Variants in CNBD1 observed in about 807,000 individuals in gnomAD.
The protein encoded by CNBD1 is cyclic nucleotide-binding domain-containing protein 1.
In CNBD1, 71 loss-of-function variants were observed where a neutral mutation model predicts 54.4. That is an observed-to-expected ratio of 1.30 (90% CI 1.08 to 1.59). The LOEUF (loss-of-function observed/expected upper bound fraction) is 1.59, where lower values mean the gene tolerates loss of function less well. Ranked by LOEUF, CNBD1 falls within the 40% of genes most tolerant of loss-of-function variation. The pLI, the probability that CNBD1 is intolerant of heterozygous loss-of-function variation, is 0.00. For synonymous variants in CNBD1, 182 were observed against 170.7 expected (o/e 1.07, Z -0.51); for missense variants, 659 against 518.0 (o/e 1.27, Z -2.64).
At chr8:87,063,342 T>C (rs975283126) in intron 4 of CNBD1, among the ~76,000 whole-genome samples, 3 of 152,200 alleles carry the variant, frequency 2.0e-5, no homozygotes, top group Non-Finnish European at 4.4e-5. Context: ...CATATAGATA[T>C]CTATGGATAT....
At chr8:87,334,724 C>CTTTTCTTTTTTCTTTTT (rs1809907515) in intron 8 of CNBD1, among the ~76,000 whole-genome samples, 1 of 113,252 alleles carries the variant, frequency 8.8e-6, no homozygotes, top group Non-Finnish European at 1.8e-5. Context: ...TTTTTCTTTT[C>CTTTTCTTTTTTCTTTTT]TTTTTTTTTT....
intron 4 of CNBD1, among the ~76,000 whole-genome samples, chr8:87,053,420 G>A (rs1203872161): frequency 2.0e-5 from 3 of 152,218 alleles, no homozygotes; most frequent in African/African-American, 7.2e-5. Context: ...GTACTTGAGA[G>A]GAGTGCAGGC....
At chr8:87,292,800 T>C (rs1808811252) in intron 8 of CNBD1, among the ~76,000 whole-genome samples, 1 of 152,162 alleles carries the variant, frequency 6.6e-6, no homozygotes, top group Non-Finnish European at 1.5e-5. Context: ...CTTGCAACCA[T>C]GGTGATGAGC....
At chr8:87,376,579 C>T (rs752385203) in intron 10 of CNBD1, among the ~76,000 whole-genome samples, 4 of 151,908 alleles carry the variant, frequency 2.6e-5, no homozygotes, top group South Asian at 2.1e-4. Context: ...CAACATGCTT[C>T]GCACACATTT....
chr8:87,395,808 A>G (rs1034172017), intron 2 of CNBD1, among the ~76,000 whole-genome samples: 1 of 151,864 alleles, frequency 6.6e-6, no homozygotes. Flanking sequence ...GTGAGAGATA[A>G]TTGAATCATG....
At chr8:87,241,546 A>G (rs1807708287) in intron 6 of CNBD1, among the ~76,000 whole-genome samples, 1 of 152,166 alleles carries the variant, frequency 6.6e-6, no homozygotes. Context: ...TGCTGGGATT[A>G]CAGGCGTGAG....
At chr8:87,381,671 C>T (rs181494704) in intron 10 of CNBD1, among the ~76,000 whole-genome samples, 1 of 152,034 alleles carries the variant, frequency 6.6e-6, no homozygotes, top group East Asian at 1.9e-4. Flanking sequence ...GAATGCTATT[C>T]AGCCTTAAAA....
In CNBD1 at chr8:87,201,271, T is replaced by G. The variant is rs141617438; in HGVS notation, c.432-4722T>G. ...CTAATAAACAGCATCAGTGGAAAAC[T>G]CACAGCTAACTTGAAGAAAGACTGA... On this transcript the variant is annotated intron_variant, in intron 4 of 10. Transcript: ENST00000518476. 8.9e-3 allele frequency among the ~76,000 whole-genome samples: 1,361 copies of G among 152,190 alleles called. 20 individuals carry two copies. Among genetic ancestry groups the G allele is most frequent in the Middle Eastern group, 0.031 (9 of 294 alleles).
chr8:86,957,850 G>A (rs557143457), intron 4 of CNBD1, among the ~76,000 whole-genome samples: 4 of 152,072 alleles, frequency 2.6e-5, no homozygotes, highest in African/African-American at 9.6e-5. Flanking sequence ...TCTGATCTTA[G>A]TTATTTCTTA....
At chr8:87,048,734 T>A (rs556562134) in intron 4 of CNBD1, among the ~76,000 whole-genome samples, 1 of 152,348 alleles carries the variant, frequency 6.6e-6, no homozygotes, top group South Asian at 2.1e-4. Flanking sequence ...TGCCCCTTAC[T>A]TTTGGCACAT....
Position 87,351,684 on chromosome 8 carries a change from G to A in CNBD1, c.1043-1G>A, listed in dbSNP as rs1001443347. On this transcript the variant is annotated splice_acceptor_variant, in intron 8 of 10. Coordinates refer to ENST00000518476, the MANE Select transcript of CNBD1 (RefSeq NM_173538.3). LOFTEE classifies it high-confidence loss of function. ...AAATGAACTATCTCTCTTCTTTTCA[G>A]TGATAGTGGAAAGTGGAAATATAAT... is the stretch of plus-strand genomic sequence containing the variant. 6.7e-7 allele frequency: 1 copy of A among 1,498,290 alleles called. No individual in the cohort carries two copies. Among genetic ancestry groups the A allele is most frequent in the Non-Finnish European group, 8.9e-7 (1 of 1,128,554 alleles). The allele number at this position is 1,498,290 out of a possible 1,614,324, so 92.8% of individuals were successfully genotyped here. A position where few individuals can be genotyped will look rare whatever the true frequency, so the allele number is the denominator to read the frequency against.
At chr8:87,196,630 G>T (rs774388593) in intron 4 of CNBD1, among the ~76,000 whole-genome samples, 5 of 152,174 alleles carry the variant, frequency 3.3e-5, no homozygotes, top group Non-Finnish European at 7.4e-5. Flanking sequence ...CAATTCAGTG[G>T]ATGTCAGCAC....
rs932785913 is a variant in CNBD1 at position 87,260,416 on chromosome 8, C to T, written c.771+23304C>T. Among the ~76,000 whole-genome samples the T allele has an allele frequency of 2.0e-5, 3 of 152,094 alleles. 1 individual carries two copies. In the South Asian group the frequency reaches 6.2e-4, roughly 31 times the overall value. ...CAGTGAGCTTATGGGGGCCTAAGCC[C>T]GTATTTTTTCCTAAGGTACTCCTGG... On this transcript the variant is annotated intron_variant, in intron 6 of 10. Coordinates refer to ENST00000518476, the MANE Select transcript of CNBD1 (RefSeq NM_173538.3).
At chr8:87,349,664 C>G (rs148859193) in intron 8 of CNBD1, among the ~76,000 whole-genome samples, 1 of 152,152 alleles carries the variant, frequency 6.6e-6, no homozygotes, top group Non-Finnish European at 1.5e-5. Context: ...CGTGAGCCAC[C>G]GCGCCTGACC....
chr8:87,341,891 A>C (rs1810071479), intron 8 of CNBD1, among the ~76,000 whole-genome samples: 1 of 151,470 alleles, frequency 6.6e-6, no homozygotes, highest in Non-Finnish European at 1.5e-5. Flanking sequence ...CTATTATAGC[A>C]GTACGAAACA....
At chr8:86,930,397 G>A (rs1002240889) in intron 3 of CNBD1, among the ~76,000 whole-genome samples, 34 of 152,274 alleles carry the variant, frequency 2.2e-4, no homozygotes, top group Admixed American at 1.0e-3. Context: ...GGAGCCAAAA[G>A]TAATTCATCC....
At chr8:86,951,453 A>T (rs1167986270) in intron 4 of CNBD1, among the ~76,000 whole-genome samples, 1 of 151,372 alleles carries the variant, frequency 6.6e-6, no homozygotes, top group Non-Finnish European at 1.5e-5. Context: ...GGTGGTGGGC[A>T]CCTGTAATCC....
rs139283800 is a variant in CNBD1 at position 87,205,249 on chromosome 8, G to A, written c.432-744G>A. On this transcript the variant is annotated intron_variant, in intron 4 of 10. Coordinates refer to ENST00000518476, the MANE Select transcript of CNBD1 (RefSeq NM_173538.3). ...GGGTTTCACCATGTTGGCCAGGATAGTCTTGATCTCCTGACCTCGTGATCC... is the reference window on the plus strand; with the variant it reads ...GGGTTTCACCATGTTGGCCAGGATAATCTTGATCTCCTGACCTCGTGATCC... Among the ~76,000 whole-genome samples the A allele has an allele frequency of 9.9e-4, 150 of 152,246 alleles. 1 individual carries two copies. Among genetic ancestry groups the A allele is most frequent in the African/African-American group, 3.4e-3 (143 of 41,562 alleles).
At chr8:87,408,411 A>G (rs1241502336) in intron 2 of CNBD1, among the ~76,000 whole-genome samples, 5 of 148,622 alleles carry the variant, frequency 3.4e-5, no homozygotes, top group African/African-American at 4.9e-5. Context: ...GTGTGTGTGT[A>G]TAGACAGATA....
Sources: allele counts gnomAD v4.1 joint callset (sites outside exome capture counted in the v4.1 genomes callset), GRCh38; gene constraint gnomAD v4.1.1; transcripts MANE v1.5; gene names NCBI Gene and HGNC (gene_info 2026-07-23, HGNC 2026-07-21).